The following COL7A1 variants were observed in gnomAD, a reference collection of about 807,000 sequenced individuals.
COL7A1 encodes collagen alpha-1(VII) chain.
A neutral mutation model predicts 456.2 loss-of-function variants in COL7A1; 296 were observed. That is an observed-to-expected ratio of 0.65 (90% CI 0.59 to 0.71). COL7A1 has a LOEUF of 0.71. Ranked by LOEUF, COL7A1 falls within the 30% of genes least tolerant of loss-of-function variation. The pLI, the probability that COL7A1 is intolerant of heterozygous loss-of-function variation, is 0.00. For missense variants in COL7A1, 3,441 were observed against 4,017.2 expected, an observed-to-expected ratio of 0.86 and a Z score of 3.88; for synonymous variants, 1,464 against 1,525.9, an observed-to-expected ratio of 0.96 and a Z score of 0.95.
chr3:48,565,506 A>AG lies in COL7A1; in HGVS notation c.8441-11dup, dbSNP rs773588700. 1 of 1,613,770 alleles carries AG rather than the reference A, an allele frequency of 6.2e-7. No individual in the cohort carries two copies. The highest frequency in any genetic ancestry group is 1.7e-5 in the Admixed American group (1 of 59,958). Reference sequence around the variant, plus strand: ...TAACTAGGGAGGGGTCCTGGAGCCAAGAGCAGGGGCCTCAGGGCCCTGAAG... The same window carrying AG: ...TAACTAGGGAGGGGTCCTGGAGCCAAGGAGCAGGGGCCTCAGGGCCCTGAAG... On this transcript the variant is annotated splice_polypyrimidine_tract_variant and intron_variant, in intron 115 of 118. Transcript: ENST00000681320. The surrounding 1 kb of genome is among the most constrained non-coding windows in gnomAD (Gnocchi z 4.5).
chr3:48,573,347 C>T lies in COL7A1; in HGVS notation c.6620G>A (p.Gly2207Glu). Reference protein sequence around the residue: ...AGPQGPSGLKGEPGETGPPGR... With the variant: ...AGPQGPSGLKEEPGETGPPGR... The stretch of plus-strand genomic sequence containing the variant: ...TGGAGGTCCTGTCTCTCCAGGCTCC[C>T]CCTGCAAACAACCCAGAGACTGCAT... Residue 2207 changes from glycine to glutamate, a missense_variant and splice_region_variant, in exon 84 of 119, where the codon GGG becomes GAG. Gly to Glu is a moderately conservative substitution (Grantham distance 98, BLOSUM62 -2). Coordinates refer to ENST00000681320, the MANE Select transcript of COL7A1 (RefSeq NM_000094.4). The surrounding 1 kb of genome is among the most constrained non-coding windows in gnomAD (Gnocchi z 5.5). The T allele has an allele frequency of 6.2e-7, 1 of 1,614,070 alleles. No homozygotes were observed. Among genetic ancestry groups the T allele is most frequent in the Non-Finnish European group, 8.5e-7 (1 of 1,180,026 alleles).
chr3:48,590,600 A>C lies in COL7A1; in HGVS notation c.1781-16T>G. 1.2e-6 allele frequency: 2 copies of C among 1,613,984 alleles called. No individual in the cohort carries two copies. The highest frequency in any genetic ancestry group is 1.7e-6 in the Non-Finnish European group (2 of 1,179,918). The stretch of plus-strand genomic sequence containing the variant: ...GTTTCCGGCTCTAGGAGTTACAGAC[A>C]GAAGTCAGAAGTCAGAACCAGGACC... On this transcript the variant is annotated splice_polypyrimidine_tract_variant and intron_variant, in intron 14 of 118. Coordinates refer to ENST00000681320, the MANE Select transcript of COL7A1 (RefSeq NM_000094.4). The surrounding 1 kb of genome is among the most constrained non-coding windows in gnomAD (Gnocchi z 4.6).
In COL7A1 at chr3:48,584,356, C is replaced by T; in HGVS notation, c.4139G>A (p.Gly1380Glu). Residue 1380 changes from glycine (G) to glutamate (E), a missense_variant, in exon 37 of 119, where the codon GGA (glycine) becomes GAA (glutamate). Gly to Glu is a moderately conservative substitution (Grantham distance 98, BLOSUM62 -2). Around this residue, in one of 3 missense-constraint regions of COL7A1, gnomAD observed 2,084 missense variants for 2,501.3 expected, o/e 0.83. Transcript: ENST00000681320. ...ACGGGGTCCTGGGTCCCCCAGTGGT[C>T]CACGAGGTCCAGGGGGGCCCTGATG... ...PGPSGPPGPR[G>E]PLGDPGPRGP... 1 of 1,613,448 alleles carries T rather than the reference C, an allele frequency of 6.2e-7. No homozygotes were observed. The highest frequency in any genetic ancestry group is 1.1e-5 in the South Asian group (1 of 91,062).
At position 48,580,980 on chromosome 3, in the gene COL7A1, T is replaced by C. The variant is rs756320116; in HGVS notation, c.4936-54A>G. ...ACAGGGCAGTCAGGATCTAACTCAC[T>C]CAGGGAGAGGGGACAGAGAAGGGTC... is the stretch of plus-strand genomic sequence containing the variant. On this transcript the variant is annotated intron_variant, in intron 53 of 118. Transcript: ENST00000681320. This position sits in a 1 kb window ranked among gnomAD's most constrained non-coding sequence, Gnocchi z 4.5. The C allele has an allele frequency of 1.2e-6, 2 of 1,610,360 alleles. No individual in the cohort carries two copies. The highest frequency in any genetic ancestry group is 8.5e-7 in the Non-Finnish European group (1 of 1,177,400).
rs755454039 is a variant in COL7A1 at position 48,575,911 on chromosome 3, A to C, written c.5821-9T>G. 4.3e-5 allele frequency: 70 copies of C among 1,614,038 alleles called. No homozygotes were observed. Among genetic ancestry groups the C allele is most frequent in the Non-Finnish European group, 5.7e-5 (67 of 1,180,052 alleles). On this transcript the variant is annotated splice_polypyrimidine_tract_variant and intron_variant, in intron 71 of 118. Transcript: ENST00000681320. The surrounding 1 kb of genome is among the most constrained non-coding windows in gnomAD (Gnocchi z 6.3). ...AGCAACCGATCCACATTCTGGGGACAAAGTCTGGGTGAAGGGCTGCCCATG... is the reference window on the plus strand; with the variant it reads ...AGCAACCGATCCACATTCTGGGGACCAAGTCTGGGTGAAGGGCTGCCCATG...
chr3:48,566,767 GTCAGAGGCAGTGGGGA>G lies in COL7A1; in HGVS notation c.8227-46_8227-31del. Reference sequence around the variant, plus strand: ...CAGACACAGGGACCAAGTGAGCAGGGTCAGAGGCAGTGGGGATCAGAGTCAGGCAGGTTGGGGGCCA... The same window carrying G: ...CAGACACAGGGACCAAGTGAGCAGGGTCAGAGTCAGGCAGGTTGGGGGCCA... On this transcript the variant is annotated intron_variant, in intron 111 of 118. Coordinates refer to ENST00000681320, the MANE Select transcript of COL7A1 (RefSeq NM_000094.4). The surrounding 1 kb of genome is among the most constrained non-coding windows in gnomAD (Gnocchi z 5.9). The G allele has an allele frequency of 6.2e-7, 1 of 1,612,438 alleles. No individual in the cohort carries two copies. Among genetic ancestry groups the G allele is most frequent in the Non-Finnish European group, 8.5e-7 (1 of 1,179,166 alleles).
Position 48,567,004 on chromosome 3 carries a change from C to A in COL7A1, c.8129G>T (p.Gly2710Val). The A allele has an allele frequency of 6.2e-7, 1 of 1,612,810 alleles. No individual in the cohort carries two copies. Among genetic ancestry groups the A allele is most frequent in the South Asian group, 1.1e-5 (1 of 91,054 alleles). Reference sequence around the variant, plus strand: ...ATCATTTCCACTGGGGCCTGGGAAGCCCCCAATTCCTGGGGTTCCCTGGGG... The same window carrying A: ...ATCATTTCCACTGGGGCCTGGGAAGACCCCAATTCCTGGGGTTCCCTGGGG... ...KGERGTPGIG[G>V]FPGPSGNDGS... The change falls in exon 111 of 119, where the codon GGC (glycine) becomes GTC (valine). Residue 2710 changes from glycine (G) to valine (V), a missense_variant. Gly to Val is a moderately radical substitution (Grantham distance 109, BLOSUM62 -3). Around this residue, in one of 3 missense-constraint regions of COL7A1, gnomAD observed 2,084 missense variants for 2,501.3 expected, o/e 0.83. Coordinates refer to ENST00000681320, the MANE Select transcript of COL7A1 (RefSeq NM_000094.4). The surrounding 1 kb of genome is among the most constrained non-coding windows in gnomAD (Gnocchi z 4.3).
In COL7A1 at chr3:48,580,231, A is replaced by G; in HGVS notation, c.5097+69T>C. On this transcript the variant is annotated intron_variant, in intron 56 of 118. Transcript: ENST00000681320. This position sits in a 1 kb window ranked among gnomAD's most constrained non-coding sequence, Gnocchi z 4.5. ...CCTGGACCTCCAGACCCCTTGTGTGAAGGCACACTGGCAGCAGCGCCAGGG... is the reference window on the plus strand; with the variant it reads ...CCTGGACCTCCAGACCCCTTGTGTGGAGGCACACTGGCAGCAGCGCCAGGG... The G allele has an allele frequency of 6.3e-7, 1 of 1,579,502 alleles. No individual in the cohort carries two copies. Among genetic ancestry groups the G allele is most frequent in the Middle Eastern group, 1.8e-4 (1 of 5,556 alleles).
In COL7A1 at chr3:48,572,186, C is replaced by A. The variant is rs536685771; in HGVS notation, c.6979-15G>T. 3.3e-5 allele frequency: 53 copies of A among 1,614,040 alleles called. 1 individual carries two copies. The East Asian group carries it at 5.3e-4, about 16-fold the overall frequency. On this transcript the variant is annotated splice_polypyrimidine_tract_variant and intron_variant, in intron 90 of 118. Transcript: ENST00000681320. This position sits in a 1 kb window ranked among gnomAD's most constrained non-coding sequence, Gnocchi z 4.6. ...CCTTTGGCTCCCTGTTGACAGAGGT[C>A]AGGAGGCAACACAGGCATCAGTCAC...
rs200998167 is a variant in COL7A1, at chr3:48,585,539, G to A, written c.3894+18C>T. The A allele has an allele frequency of 9.0e-5, 145 of 1,613,364 alleles. No homozygotes were observed. The highest frequency in any genetic ancestry group is 2.5e-4 in the African/African-American group (19 of 74,902). Reference sequence around the variant, plus strand: ...TTGAGGAGTGCCTCAGAGAAACCTCGATGGTCTCCACACTCACCCTCTCGC... The same window carrying A: ...TTGAGGAGTGCCTCAGAGAAACCTCAATGGTCTCCACACTCACCCTCTCGC... On this transcript the variant is annotated intron_variant, in intron 32 of 118. Coordinates refer to ENST00000681320, the MANE Select transcript of COL7A1 (RefSeq NM_000094.4). This position sits in a 1 kb window ranked among gnomAD's most constrained non-coding sequence, Gnocchi z 4.5.
chr3:48,594,450 C>T lies in COL7A1; in HGVS notation c.184G>A (p.Glu62Lys). Residue 62 changes from glutamate to lysine, a missense_variant, in exon 3 of 119, where the codon GAA becomes AAA. Physicochemically the swap from Glu to Lys is moderately conservative, Grantham distance 56. This residue lies in a region of COL7A1 where 913 missense variants were observed against 1,088.2 expected (regional missense o/e 0.84). Coordinates refer to ENST00000681320, the MANE Select transcript of COL7A1 (RefSeq NM_000094.4). This position sits in a 1 kb window ranked among gnomAD's most constrained non-coding sequence, Gnocchi z 5.5. ...CCAGAGAAAGGCAGCACCAGCCCTT[C>T]GAGAAAGCTGCGGACCTCGCGGAAA... ...SNFREVRSFL[E>K]GLVLPFSGAA... is the part of the protein sequence containing the mutation. 1 of 1,612,268 alleles carries T rather than the reference C, an allele frequency of 6.2e-7. No individual in the cohort carries two copies. Among genetic ancestry groups the T allele is most frequent in the Non-Finnish European group, 8.5e-7 (1 of 1,180,044 alleles).
At chr3:48,584,008 C>G (rs776560133) in intron 38 of COL7A1, 27 bp downstream of exon 38, 6 of 1,613,918 alleles carry the variant, frequency 3.7e-6, no homozygotes. Context: ...TCCAAGCCAC[C>G]CCTAGCACAA....
Position 48,589,445 on chromosome 3 carries a change from A to G in COL7A1, c.2196T>C (p.Ser732=). The change falls in exon 18 of 119, where the codon TCT becomes TCC. Residue 732 remains serine, a synonymous_variant. Transcript: ENST00000681320. ...AHGPEKSQLV[S]GEATVAELDG... ...CCAGCTCAGCCACCGTGGCCTCCCC[A>G]GAAACCAACTGGGATTTCTCTGGGC... The G allele has an allele frequency of 6.2e-7, 1 of 1,613,778 alleles. No individual in the cohort carries two copies. The highest frequency in any genetic ancestry group is 8.5e-7 in the Non-Finnish European group (1 of 1,180,004).
In COL7A1 at chr3:48,586,620, T is replaced by C. The variant is rs765400926; in HGVS notation, c.3346A>G (p.Ile1116Val). ...FPLNGSHDLG[I>V]ILQRIRDMPY... ...ATGTCACGGATCCTTTGCAAGATAATGCCAAGGTCATGGGAGCCATTCAGT... is the reference window on the plus strand; with the variant it reads ...ATGTCACGGATCCTTTGCAAGATAACGCCAAGGTCATGGGAGCCATTCAGT... The change falls in exon 26 of 119, where the codon ATT (isoleucine) becomes GTT (valine). Residue 1116 changes from isoleucine to valine, a missense_variant. This residue lies in a region of COL7A1 where 444 missense variants were observed against 427.6 expected (regional missense o/e 1.04). Transcript: ENST00000681320. This position sits in a 1 kb window ranked among gnomAD's most constrained non-coding sequence, Gnocchi z 5.1. 1.2e-6 allele frequency: 2 copies of C among 1,613,630 alleles called. No individual in the cohort carries two copies. Among genetic ancestry groups the C allele is most frequent in the Non-Finnish European group, 8.5e-7 (1 of 1,180,004 alleles).
At position 48,581,255 on chromosome 3, in the gene COL7A1, C is replaced by T. The variant is rs767460595; in HGVS notation, c.4899+5G>A. ...GCCATGACTCCCCCGACTCCAGCCTCTTACATCTCGTCCTCGGGGGCCAAC... is the reference window on the plus strand; with the variant it reads ...GCCATGACTCCCCCGACTCCAGCCTTTTACATCTCGTCCTCGGGGGCCAAC... On this transcript the variant is annotated splice_donor_5th_base_variant and intron_variant, in intron 52 of 118. Coordinates refer to ENST00000681320, the MANE Select transcript of COL7A1 (RefSeq NM_000094.4). This position sits in a 1 kb window ranked among gnomAD's most constrained non-coding sequence, Gnocchi z 5.8. 1 of 1,613,460 alleles carries T rather than the reference C, an allele frequency of 6.2e-7. No homozygotes were observed.
chr3:48,580,437 C>A lies in COL7A1; in HGVS notation c.5053-93G>T, dbSNP rs1013082067. ...TGAGGACTCATGGGAATGTTGGTAG[C>A]CTTCAGATGCGTGTGTGCAGGGGTC... On this transcript the variant is annotated intron_variant, in intron 55 of 118. Transcript: ENST00000681320. The surrounding 1 kb of genome is among the most constrained non-coding windows in gnomAD (Gnocchi z 4.5). The A allele has an allele frequency of 2.7e-6, 4 of 1,505,204 alleles. No individual in the cohort carries two copies. The allele number at this position is 1,505,204 out of a possible 1,614,324, so 93.2% of individuals were successfully genotyped here.
chr3:48,576,215 A>G, intron 71 of COL7A1, 34 bp downstream of exon 71: 1 of 1,612,734 alleles, frequency 6.2e-7, no homozygotes. Context: ...GGCATGCAAA[A>G]CAGAGTCAAG....
chr3:48,564,768 G>A lies in COL7A1; in HGVS notation c.8818+15C>T. ...CTCAGTGCCCAGTTCCCCACGGTGG[G>A]GGCTCAGCCCATACCTGTCCCCTGG... On this transcript the variant is annotated intron_variant, in intron 118 of 118. Coordinates refer to ENST00000681320, the MANE Select transcript of COL7A1 (RefSeq NM_000094.4). This position sits in a 1 kb window ranked among gnomAD's most constrained non-coding sequence, Gnocchi z 6.0. The A allele has an allele frequency of 6.2e-7, 1 of 1,611,484 alleles. No individual in the cohort carries two copies. The highest frequency in any genetic ancestry group is 8.5e-7 in the Non-Finnish European group (1 of 1,178,534).
At position 48,578,300 on chromosome 3, in the gene COL7A1, A is replaced by G. The variant is rs886169844; in HGVS notation, c.5532+21T>C. ...GGCGTTTCTTGGCAGGTTTCGCCGC[A>G]GCTGCCCTGGACACACTCACGTTTT... On this transcript the variant is annotated intron_variant, in intron 65 of 118. Transcript: ENST00000681320. The surrounding 1 kb of genome is among the most constrained non-coding windows in gnomAD (Gnocchi z 4.7). 6.2e-7 allele frequency: 1 copy of G among 1,612,072 alleles called. No homozygotes were observed. The highest frequency in any genetic ancestry group is 1.3e-5 in the African/African-American group (1 of 74,828).
Sources: gnomAD v4.1 joint callset for allele counts on GRCh38, gnomAD v4.1.1 for gene constraint, gnomAD v4.1.1 regional missense constraint, Gnocchi (gnomAD v3.1) non-coding constraint, MANE v1.5 for transcripts, NCBI Gene and HGNC (gene_info 2026-07-23, HGNC 2026-07-21) for gene names.